LUZP2: variants seen among roughly 807,000 people sequenced by gnomAD.
The protein encoded by LUZP2 is leucine zipper protein 2.
Under a neutral mutation model 51.6 loss-of-function variants are expected in LUZP2, and 52 were observed. That is an observed-to-expected ratio of 1.01 (90% confidence interval 0.81 to 1.27). The LOEUF (loss-of-function observed/expected upper bound fraction) is 1.27, where lower values mean the gene tolerates loss of function less well. Ranked by LOEUF, LUZP2 falls within the 50% of genes most tolerant of loss-of-function variation. The pLI is 0.00. For missense variants in LUZP2, 436 were observed against 395.4 expected, an observed-to-expected ratio of 1.10 and a Z score of -0.87; for synonymous variants, 154 against 137.3, an observed-to-expected ratio of 1.12 and a Z score of -0.85.
chr11:24,854,042 T>G (rs11028224), intron 5 of LUZP2, among the ~76,000 whole-genome samples: 23,045 of 152,130 alleles, frequency 0.15, 1,904 homozygotes, highest in African/African-American at 0.2. Context: ...CTCTCCTGTA[T>G]GAGGTGTCTG....
At chr11:24,978,839 G>A (rs1053826008) in intron 8 of LUZP2, among the ~76,000 whole-genome samples, 1 of 151,724 alleles carries the variant, frequency 6.6e-6, no homozygotes, top group Non-Finnish European at 1.5e-5. Flanking sequence ...AGAGCTCAGG[G>A]TTAGTGTAGA....
chr11:24,904,188 T>A (rs1344058483), intron 5 of LUZP2, among the ~76,000 whole-genome samples: 1 of 152,188 alleles, frequency 6.6e-6, no homozygotes, highest in Non-Finnish European at 1.5e-5. Flanking sequence ...GTGGTAATAT[T>A]TCATTGCATT....
At chr11:24,612,317 C>T (rs73433047) in intron 1 of LUZP2, among the ~76,000 whole-genome samples, 420 of 152,020 alleles carry the variant, frequency 2.8e-3, no homozygotes, top group African/African-American at 9.8e-3. Flanking sequence ...GTTTTGAAAA[C>T]GTTGCATTTT....
intron 5 of LUZP2, 150 bp from the exon 6 acceptor site, chr11:24,905,841 G>A: frequency 2.1e-6 from 1 of 465,748 alleles, no homozygotes; most frequent in South Asian, 5.3e-5. Context: ...TTACTTTACA[G>A]ATTTGATTCA....
At chr11:24,667,744 G>C (rs930955202) in intron 1 of LUZP2, among the ~76,000 whole-genome samples, 8 of 152,092 alleles carry the variant, frequency 5.3e-5, no homozygotes, top group Non-Finnish European at 1.0e-4. Flanking sequence ...ATACCATCTG[G>C]GTAAACAGAA....
At chr11:24,957,498 T>G (rs1324309866) in intron 7 of LUZP2, among the ~76,000 whole-genome samples, 1 of 152,080 alleles carries the variant, frequency 6.6e-6, no homozygotes, top group East Asian at 1.9e-4. Flanking sequence ...TGACTTCATC[T>G]TTCCATCCCC....
chr11:24,846,068 T>A (rs2631470), intron 5 of LUZP2, among the ~76,000 whole-genome samples: 53,540 of 151,590 alleles, frequency 0.35, 9,793 homozygotes, highest in African/African-American at 0.43. Context: ...CCCTATTATA[T>A]CCACTTCTAT....
At chr11:24,529,011 G>A (rs540728488) in intron 1 of LUZP2, among the ~76,000 whole-genome samples, 32 of 151,030 alleles carry the variant, frequency 2.1e-4, no homozygotes, top group Admixed American at 1.2e-3. Flanking sequence ...TAGATTTAGC[G>A]CAAAACCTAT....
At chr11:24,636,439 C>T (rs1244368297) in intron 1 of LUZP2, among the ~76,000 whole-genome samples, 1 of 152,128 alleles carries the variant, frequency 6.6e-6, no homozygotes, top group East Asian at 1.9e-4. Context: ...ATCCAGAGCA[C>T]TCTGTTATAA....
At chr11:24,750,085 T>C (rs556203546) in intron 4 of LUZP2, among the ~76,000 whole-genome samples, 86 of 152,330 alleles carry the variant, frequency 5.6e-4, no homozygotes, top group African/African-American at 1.9e-3. Flanking sequence ...AAGAGGCTGA[T>C]AAAAACTTTA....
chr11:25,063,289 G>T (rs1255925280), intron 10 of LUZP2, among the ~76,000 whole-genome samples: 4 of 151,702 alleles, frequency 2.6e-5, no homozygotes, highest in Non-Finnish European at 5.9e-5. Context: ...TAAGGGACTT[G>T]AGCATCCATG....
At chr11:24,643,841 T>C (rs189627490) in intron 1 of LUZP2, among the ~76,000 whole-genome samples, 5 of 152,276 alleles carry the variant, frequency 3.3e-5, no homozygotes, top group African/African-American at 1.2e-4. Context: ...TGTTGGGAAA[T>C]TCTCTGTTTT....
chr11:25,047,474 C>T (rs985715145), intron 9 of LUZP2, among the ~76,000 whole-genome samples: 7 of 150,250 alleles, frequency 4.7e-5, no homozygotes, highest in Non-Finnish European at 1.0e-4. Context: ...TTAGGAGTTG[C>T]GAGTGCTTTA....
chr11:24,689,194 T>C (rs943852052), intron 1 of LUZP2, among the ~76,000 whole-genome samples: 5 of 152,116 alleles, frequency 3.3e-5, no homozygotes, highest in African/African-American at 1.2e-4. Flanking sequence ...GAATTGGGGA[T>C]TTTTTATACA....
At chr11:24,948,680 T>G (rs1450273921) in intron 7 of LUZP2, among the ~76,000 whole-genome samples, 3 of 151,784 alleles carry the variant, frequency 2.0e-5, no homozygotes, top group Non-Finnish European at 4.4e-5. Flanking sequence ...TTTAGAACCT[T>G]GTGAACCCAC....
intron 7 of LUZP2, among the ~76,000 whole-genome samples, chr11:24,941,572 G>A (rs1474769290): frequency 6.6e-6 from 1 of 152,016 alleles, no homozygotes; most frequent in African/African-American, 2.4e-5. Flanking sequence ...CTTTCTGCAG[G>A]GCATTTATAG....
At chr11:24,763,156 A>AATTTTTTTT in intron 4 of LUZP2, 90 bp from the exon 5 acceptor site, 1 of 643,474 alleles carries the variant, frequency 1.6e-6, no homozygotes. Flanking sequence ...TTAATAAATA[A>AATTTTTTTT]TTTATTATTT....
At chr11:24,773,752 C>G (rs1291341870) in intron 5 of LUZP2, among the ~76,000 whole-genome samples, 2 of 152,094 alleles carry the variant, frequency 1.3e-5, no homozygotes, top group Non-Finnish European at 2.9e-5. Context: ...ATGTTCTTTA[C>G]TATTATAATC....
At chr11:25,047,995 C>A (rs7129432) in intron 9 of LUZP2, among the ~76,000 whole-genome samples, 72,310 of 151,674 alleles carry the variant, frequency 0.48, 17,538 homozygotes, top group Non-Finnish European at 0.51. Flanking sequence ...AAAATTGTAG[C>A]GACAGGAGAC....
Sources: allele counts gnomAD v4.1 joint callset (sites outside exome capture counted in the v4.1 genomes callset), GRCh38; gene constraint gnomAD v4.1.1; transcripts MANE v1.5; gene names NCBI Gene and HGNC (gene_info 2026-07-23, HGNC 2026-07-21).